TENT4B: variants seen among roughly 807,000 people sequenced by gnomAD.
TENT4B encodes terminal nucleotidyltransferase 4B, also known as PAP associated domain containing 5.
In TENT4B, 10 loss-of-function variants were observed where a neutral mutation model predicts 75.0. The ratio of observed to expected loss-of-function variants is 0.13; its 90% CI spans 0.08 to 0.23. The LOEUF is 0.23. TENT4B is among the 10% of genes least tolerant of loss of function. TENT4B has a pLI of 1.00. For missense variants in TENT4B, 579 were observed against 893.8 expected (o/e 0.65, Z 4.49); for synonymous variants, 350 against 357.7 (o/e 0.98, Z 0.24).
At chr16:50,219,943 G>A (rs976320770) in intron 5 of TENT4B, among the ~76,000 whole-genome samples, 3 of 151,234 alleles carry the variant, frequency 2.0e-5, no homozygotes, top group African/African-American at 7.3e-5. Flanking sequence ...CTTGGCCTGA[G>A]TATCTGGGAT....
intron 1 of TENT4B, among the ~76,000 whole-genome samples, chr16:50,208,202 T>C (rs528152225): frequency 6.6e-6 from 1 of 152,306 alleles, no homozygotes; most frequent in East Asian, 1.9e-4. Context: ...GTGGCAAATA[T>C]GCATCAATCA....
intron 1 of TENT4B, among the ~76,000 whole-genome samples, chr16:50,157,408 T>A (rs1484433519): frequency 6.6e-6 from 1 of 152,228 alleles, no homozygotes; most frequent in East Asian, 1.9e-4. Flanking sequence ...TTCCTTTTAT[T>A]ATGTGTTCCC....
In TENT4B at chr16:50,224,613, T is replaced by G. The variant is rs1393181434; in HGVS notation, c.1382-44T>G. 4 of 1,610,480 alleles carry G rather than the reference T, an allele frequency of 2.5e-6. No homozygotes were observed. In the Admixed American group the frequency reaches 6.7e-5, roughly 27 times the overall value. Reference sequence around the variant, plus strand: ...AGAGTCATCAACATTTAGTGCATATTAAGCACAGTCAGGCTTACTATGTTA... The same window carrying G: ...AGAGTCATCAACATTTAGTGCATATGAAGCACAGTCAGGCTTACTATGTTA... On this transcript the variant is annotated intron_variant, in intron 7 of 11. Coordinates refer to ENST00000561678, the MANE Select transcript of TENT4B (RefSeq NM_001365324.3).
At chr16:50,217,474 C>T (rs1019996593) in intron 4 of TENT4B, 82 bp from the exon 5 acceptor site, 2 of 699,878 alleles carry the variant, frequency 2.9e-6, no homozygotes, top group South Asian at 2.1e-5. Flanking sequence ...ATGGAGACCT[C>T]ATGTCTAGTA....
chr16:50,190,084 AAAAAAAAAAC>A (rs1168830873), intron 1 of TENT4B, among the ~76,000 whole-genome samples: 3 of 119,074 alleles, frequency 2.5e-5, no homozygotes, highest in Non-Finnish European at 1.9e-5. Flanking sequence ...TCAAAAAAAA[AAAAAAAAAAC>A]AAAGAAAAGA....
intron 5 of TENT4B, among the ~76,000 whole-genome samples, chr16:50,221,815 G>A (rs926345773): frequency 3.3e-5 from 5 of 151,878 alleles, no homozygotes; most frequent in Non-Finnish European, 5.9e-5. Flanking sequence ...CCAGGCTGGG[G>A]TGCAATGGCA....
At chr16:50,184,645 C>T (rs974826072) in intron 1 of TENT4B, among the ~76,000 whole-genome samples, 2 of 151,394 alleles carry the variant, frequency 1.3e-5, no homozygotes, top group East Asian at 1.9e-4. Context: ...CCAGCCTGGG[C>T]GACAGAGCGA....
At chr16:50,215,707 A>T (rs1229991299) in intron 3 of TENT4B, among the ~76,000 whole-genome samples, 1 of 152,228 alleles carries the variant, frequency 6.6e-6, no homozygotes, top group Non-Finnish European at 1.5e-5. Context: ...AAAGCACTTC[A>T]TAATATTTCT....
In TENT4B at chr16:50,235,237, A is replaced by G. The variant is rs1444156431; in HGVS notation, c.*5909A>G. The G allele has an allele frequency of 6.2e-6, 1 of 162,530 alleles. No individual in the cohort carries two copies. The highest frequency in any genetic ancestry group is 1.3e-5 in the Non-Finnish European group (1 of 77,512). 10.1% of individuals were successfully genotyped at this position (162,530 alleles called of 1,614,324 possible). On this transcript the variant is annotated 3_prime_UTR_variant, in exon 12 of 12. Transcript: ENST00000561678. ...TGCATTTCTATGCACATCGGCCTCT[A>G]GTGCTTACCACTCGGTTTATTATTC...
In TENT4B at chr16:50,161,355, G is replaced by A. The variant is rs374817279; in HGVS notation, c.638+7096G>A. Among the ~76,000 whole-genome samples, 20 of 152,228 alleles carry A rather than the reference G, an allele frequency of 1.3e-4. 1 individual carries two copies. Among genetic ancestry groups the A allele is most frequent in the East Asian group, 9.6e-4 (5 of 5,190 alleles). On this transcript the variant is annotated intron_variant, in intron 1 of 11. Coordinates refer to ENST00000561678, the MANE Select transcript of TENT4B (RefSeq NM_001365324.3). ...AGCTGAATGTTGAGCCATTTATGTT[G>A]TGTACTGGTTCCCTATTCACTTGGA...
intron 11 of TENT4B, among the ~76,000 whole-genome samples, chr16:50,228,629 T>C (rs2032160365): frequency 1.3e-5 from 2 of 152,208 alleles, no homozygotes; most frequent in Non-Finnish European, 2.9e-5. Flanking sequence ...ACCTTGTGTC[T>C]GATTTGACTC....
At chr16:50,226,513 G>A (rs2032062359) in intron 10 of TENT4B, among the ~76,000 whole-genome samples, 1 of 151,924 alleles carries the variant, frequency 6.6e-6, no homozygotes, top group African/African-American at 2.4e-5. Context: ...CTCACTGCAA[G>A]CTCCGCCTCC....
intron 1 of TENT4B, among the ~76,000 whole-genome samples, chr16:50,185,917 ATTTT>A (rs1284739125): frequency 1.3e-5 from 2 of 152,112 alleles, no homozygotes; most frequent in African/African-American, 4.8e-5. Flanking sequence ...TATTGTCTGT[ATTTT>A]TAAACATTAC....
intron 1 of TENT4B, among the ~76,000 whole-genome samples, chr16:50,175,780 TTTTA>T (rs530225285): frequency 2.0e-5 from 3 of 151,806 alleles, no homozygotes; most frequent in African/African-American, 7.3e-5. Context: ...AGTTTTTTTG[TTTTA>T]TTTATTTATT....
Position 50,233,898 on chromosome 16 carries a change from ATGTG to A in TENT4B, c.*4571_*4574del. ...GCTATGTCAATAAGAACAGCTAATGATGTGGAAATCAGGTGTTCTCTTGTGTATT... is the reference window on the plus strand; with the variant it reads ...GCTATGTCAATAAGAACAGCTAATGAGAAATCAGGTGTTCTCTTGTGTATT... On this transcript the variant is annotated 3_prime_UTR_variant, in exon 12 of 12. Coordinates refer to ENST00000561678, the MANE Select transcript of TENT4B (RefSeq NM_001365324.3). 1 of 985,450 alleles carries A rather than the reference ATGTG, an allele frequency of 1.0e-6. No individual in the cohort carries two copies. Among genetic ancestry groups the A allele is most frequent in the Non-Finnish European group, 1.2e-6 (1 of 829,936 alleles). 61.0% of individuals were successfully genotyped at this position (985,450 alleles called of 1,614,324 possible).
In TENT4B at chr16:50,223,144, C is replaced by T. The variant is rs1250200006; in HGVS notation, c.1168-30C>T. ...CTCTCCTTGATAATTTAGCAAAAAT[C>T]CAATATAATTTCTTCTTTTCTGCTT... On this transcript the variant is annotated intron_variant, in intron 6 of 11. Coordinates refer to ENST00000561678, the MANE Select transcript of TENT4B (RefSeq NM_001365324.3). 7 of 1,498,358 alleles carry T rather than the reference C, an allele frequency of 4.7e-6. No individual in the cohort carries two copies. The African/African-American group carries it at 7.0e-5, about 15-fold the overall frequency. The allele number at this position is 1,498,358 out of a possible 1,614,324, so 92.8% of individuals were successfully genotyped here. A position where few individuals can be genotyped will look rare whatever the true frequency, so the allele number is the denominator to read the frequency against.
chr16:50,225,348 A>G (rs967032894), intron 10 of TENT4B, 63 bp downstream of exon 10: 1 of 1,448,840 alleles, frequency 6.9e-7, no homozygotes, highest in Non-Finnish European at 9.4e-7. Context: ...GCTGGGGTTA[A>G]CACTGTCTCG....
chr16:50,170,882 G>C (rs985713266), intron 1 of TENT4B, among the ~76,000 whole-genome samples: 1 of 151,930 alleles, frequency 6.6e-6, no homozygotes, highest in Non-Finnish European at 1.5e-5. Flanking sequence ...GGCTAGGCTA[G>C]TCTCAAACTC....
At chr16:50,198,718 A>G (rs917075470) in intron 1 of TENT4B, among the ~76,000 whole-genome samples, 1 of 152,214 alleles carries the variant, frequency 6.6e-6, no homozygotes, top group African/African-American at 2.4e-5. Flanking sequence ...AAGAATAGCC[A>G]AGAACATTTT....
Sources: allele counts gnomAD v4.1 joint callset (sites outside exome capture counted in the v4.1 genomes callset), GRCh38; gene constraint gnomAD v4.1.1; transcripts MANE v1.5; gene names NCBI Gene and HGNC (gene_info 2026-07-23, HGNC 2026-07-21).